DCC: variants seen among roughly 807,000 people sequenced by gnomAD.
DCC encodes netrin receptor DCC.
DCC carries 58 observed loss-of-function variants against 172.5 expected under a neutral mutation model. The observed-to-expected ratio is 0.34, with a 90% CI of 0.27 to 0.42. DCC has a LOEUF of 0.42. Among genes scored for constraint, DCC ranks in the 10% least tolerant of loss-of-function variants. DCC has a pLI of 1.00. For missense variants in DCC, 1,740 were observed against 1,791.0 expected (o/e 0.97, Z 0.51); for synonymous variants, 709 against 644.5 (o/e 1.10, Z -1.52).
At chr18:53,382,104 A>ACACACACACACAC (rs770734401) in intron 15 of DCC, among the ~76,000 whole-genome samples, 186 of 52,922 alleles carry the variant, frequency 3.5e-3, no homozygotes, top group African/African-American at 7.2e-3. Context: ...ACACACACAC[A>ACACACACACACAC]CCCCTACCTC....
chr18:52,423,655 A>T (rs1987326447), intron 1 of DCC, among the ~76,000 whole-genome samples: 1 of 152,092 alleles, frequency 6.6e-6, no homozygotes, highest in South Asian at 2.1e-4. Context: ...ATATGTGCTG[A>T]GGGTTGTTTT....
chr18:52,964,305 C>T (rs1347607298), intron 5 of DCC, among the ~76,000 whole-genome samples: 1 of 152,092 alleles, frequency 6.6e-6, no homozygotes, highest in African/African-American at 2.4e-5. Flanking sequence ...CAGAAAAAGA[C>T]ATTTAATGAT....
intron 1 of DCC, among the ~76,000 whole-genome samples, chr18:52,381,894 A>G (rs1382046904): frequency 2.0e-5 from 3 of 152,154 alleles, no homozygotes; most frequent in Non-Finnish European, 4.4e-5. Context: ...GAAATTTATA[A>G]CAAGAATTTG....
chr18:53,228,893 C>T (rs139396309), intron 12 of DCC, among the ~76,000 whole-genome samples: 279 of 152,190 alleles, frequency 1.8e-3, no homozygotes, highest in African/African-American at 6.5e-3. Flanking sequence ...TCTGACATTT[C>T]TTCTATACTT....
intron 12 of DCC, among the ~76,000 whole-genome samples, chr18:53,299,581 A>G (rs1313518435): frequency 6.6e-6 from 1 of 152,224 alleles, no homozygotes; most frequent in African/African-American, 2.4e-5. Flanking sequence ...ACATTCTACT[A>G]TAAACCTTAG....
At chr18:52,595,629 C>T (rs1223391259) in intron 1 of DCC, among the ~76,000 whole-genome samples, 1 of 152,184 alleles carries the variant, frequency 6.6e-6, no homozygotes, top group African/African-American at 2.4e-5. Flanking sequence ...TAGCTTCCCT[C>T]AAATGAAAGT....
At position 53,397,438 on chromosome 18, in the gene DCC, A is replaced by G; in HGVS notation, c.2819A>G (p.Tyr940Cys). The stretch of plus-strand genomic sequence containing the variant: ...AGCATGACTGCACATGCCACCACGT[A>G]TGAAGCAGGTATGTGAGGAAATGTC... ...TWSMTAHATTYEAAPTSAPKD... is the reference protein window; with the variant it reads ...TWSMTAHATTCEAAPTSAPKD... The change falls in exon 18 of 29, where the codon TAT becomes TGT. Residue 940 changes from tyrosine (Y) to cysteine (C), a missense_variant. Tyr to Cys is a radical substitution (Grantham distance 194). This residue lies in a region of DCC where 1,732 missense variants were observed against 1,767.4 expected (regional missense o/e 0.98). Coordinates refer to ENST00000442544, the MANE Select transcript of DCC (RefSeq NM_005215.4). The G allele has an allele frequency of 6.2e-7, 1 of 1,614,030 alleles. No homozygotes were observed. The highest frequency in any genetic ancestry group is 1.3e-5 in the African/African-American group (1 of 75,044).
rs116449352 is a variant in DCC at position 52,433,106 on chromosome 18, T to C, written c.91+92228T>C. Among the ~76,000 whole-genome samples the C allele has an allele frequency of 6.3e-3, 960 of 152,332 alleles. 6 individuals carry two copies. Among genetic ancestry groups the C allele is most frequent in the African/African-American group, 0.021 (893 of 41,586 alleles). ...ATGGATGATGTGAGCATTATATTCA[T>C]TTTTAATATCCCTGAAATTATTTAA... On this transcript the variant is annotated intron_variant, in intron 1 of 28. Coordinates refer to ENST00000442544, the MANE Select transcript of DCC (RefSeq NM_005215.4).
chr18:53,187,906 G>T (rs72923213), intron 9 of DCC, among the ~76,000 whole-genome samples: 2 of 152,062 alleles, frequency 1.3e-5, no homozygotes, highest in Non-Finnish European at 2.9e-5. Flanking sequence ...AGCAATTACT[G>T]CTTCTAATTG....
At chr18:52,908,087 T>G (rs1485855910) in intron 3 of DCC, among the ~76,000 whole-genome samples, 1 of 152,234 alleles carries the variant, frequency 6.6e-6, no homozygotes, top group Non-Finnish European at 1.5e-5. Flanking sequence ...AAATTGGAAC[T>G]GACTACATCT....
At chr18:52,921,863 A>T (rs2040131625) in intron 3 of DCC, among the ~76,000 whole-genome samples, 1 of 151,860 alleles carries the variant, frequency 6.6e-6, no homozygotes, top group South Asian at 2.1e-4. Flanking sequence ...GATATTGTAG[A>T]ACGGTATTGT....
At chr18:52,804,436 T>A (rs1362515426) in intron 2 of DCC, among the ~76,000 whole-genome samples, 1 of 152,222 alleles carries the variant, frequency 6.6e-6, no homozygotes, top group East Asian at 1.9e-4. Context: ...TTCATCTACA[T>A]TGTATCGTTG....
At chr18:53,156,458 G>C (rs2054735593) in intron 7 of DCC, among the ~76,000 whole-genome samples, 1 of 151,146 alleles carries the variant, frequency 6.6e-6, no homozygotes, top group South Asian at 2.1e-4. Flanking sequence ...ACTCCAGCTT[G>C]GGTTGCAGAG....
chr18:52,985,553 A>G (rs1225440238), intron 5 of DCC, among the ~76,000 whole-genome samples: 1 of 152,110 alleles, frequency 6.6e-6, no homozygotes, highest in Non-Finnish European at 1.5e-5. Flanking sequence ...CTTGCTGGCC[A>G]CTTAACCGCA....
intron 22 of DCC, among the ~76,000 whole-genome samples, chr18:53,445,681 A>AT (rs937444907): frequency 1.3e-5 from 2 of 152,180 alleles, no homozygotes; most frequent in African/African-American, 4.8e-5. Context: ...CAATGAACCA[A>AT]TTTTTTAATA....
chr18:53,004,774 G>T (rs529736773), intron 5 of DCC, among the ~76,000 whole-genome samples: 3 of 152,088 alleles, frequency 2.0e-5, no homozygotes, highest in African/African-American at 7.2e-5. Context: ...AGATGCCTGT[G>T]TGTGCAGGAT....
intron 7 of DCC, among the ~76,000 whole-genome samples, chr18:53,127,910 T>C (rs1344632764): frequency 2.0e-5 from 3 of 152,166 alleles, no homozygotes; most frequent in Admixed American, 1.3e-4. Flanking sequence ...ATATGTTTCT[T>C]CTTAAAATCG....
intron 12 of DCC, among the ~76,000 whole-genome samples, chr18:53,236,924 A>G (rs2056211044): frequency 6.6e-6 from 1 of 151,824 alleles, no homozygotes; most frequent in Non-Finnish European, 1.5e-5. Flanking sequence ...TGTTCCATTG[A>G]TCTATTTGTT....
intron 2 of DCC, among the ~76,000 whole-genome samples, chr18:52,825,316 G>A (rs553635799): frequency 6.6e-6 from 1 of 152,098 alleles, no homozygotes; most frequent in East Asian, 1.9e-4. Flanking sequence ...TACTTATAAA[G>A]ATTACATTAG....
Sources: gnomAD v4.1 joint callset for allele counts (sites outside exome capture counted in the v4.1 genomes callset) on GRCh38, gnomAD v4.1.1 for gene constraint, gnomAD v4.1.1 regional missense constraint, MANE v1.5 for transcripts, NCBI Gene and HGNC (gene_info 2026-07-23, HGNC 2026-07-21) for gene names.